The following NOL8 variants were observed in gnomAD, a reference collection of about 807,000 sequenced individuals.
NOL8 encodes the protein nucleolar protein 8.
Under a neutral mutation model 116.1 loss-of-function variants are expected in NOL8, and 93 were observed. The observed-to-expected ratio is 0.80, with a 90% CI of 0.68 to 0.95. The LOEUF is 0.95. Ranked by LOEUF, NOL8 falls within the 40% of genes least tolerant of loss-of-function variation. The pLI, the probability that NOL8 is intolerant of heterozygous loss-of-function variation, is 0.00. For missense variants in NOL8, 1,291 were observed against 1,382.8 expected (o/e 0.93, Z 1.05); for synonymous variants, 419 against 469.0 (o/e 0.89, Z 1.38).
intron 7 of NOL8, among the ~76,000 whole-genome samples, chr9:92,313,090 C>T (rs12340490): frequency 3.0e-4 from 45 of 152,032 alleles, no homozygotes; most frequent in Non-Finnish European, 5.7e-4. Flanking sequence ...TTTTCCTTAT[C>T]TAGTGAATGC....
chr9:92,315,675 T>C lies in NOL8; in HGVS notation c.950A>G (p.Asn317Ser). 6.2e-7 allele frequency: 1 copy of C among 1,612,374 alleles called. No individual in the cohort carries two copies. ...ELRMMIAKEE[N>S]LQRTTQPSIN... is the part of the protein sequence containing the mutation. Reference sequence around the variant, plus strand: ...TGAGGGTTGTGTAGTTCTCTGTAAGTTTTCCTCTTTCGCAATCATCATTCT... The same window carrying C: ...TGAGGGTTGTGTAGTTCTCTGTAAGCTTTCCTCTTTCGCAATCATCATTCT... Residue 317 changes from asparagine to serine, a missense_variant, in exon 7 of 17, where the codon AAC (asparagine) becomes AGC (serine). Transcript: ENST00000442668.
At chr9:92,318,540 G>A (rs1839633373) in intron 6 of NOL8, 78 bp downstream of exon 6, 1 of 1,004,870 alleles carries the variant, frequency 1.0e-6, no homozygotes, top group Non-Finnish European at 1.5e-6. Flanking sequence ...TCACTGATAA[G>A]AGACAGTGAA....
chr9:92,324,981 GT>G (rs765239003), intron 1 of NOL8: 1 of 152,140 alleles, frequency 6.6e-6, no homozygotes, highest in Non-Finnish European at 1.5e-5. Flanking sequence ...TACTATGAAG[GT>G]TGCTGTATCA....
rs1028664877 is a variant in NOL8 at position 92,300,624 on chromosome 9, A to C, written c.3176-608T>G. On this transcript the variant is annotated intron_variant, in intron 13 of 16. Coordinates refer to ENST00000442668, the MANE Select transcript of NOL8 (RefSeq NM_017948.6). Reference sequence around the variant, plus strand: ...TCTCAAAGTTAGAAAAACTATCGTTACTATTTACATCATGCCAACTCTACT... The same window carrying C: ...TCTCAAAGTTAGAAAAACTATCGTTCCTATTTACATCATGCCAACTCTACT... 5.0e-6 allele frequency: 5 copies of C among 999,976 alleles called. No individual in the cohort carries two copies. The African/African-American group carries it at 8.7e-5, about 17-fold the overall frequency. 61.9% of individuals were successfully genotyped at this position (999,976 alleles called of 1,614,324 possible).
chr9:92,306,263 G>T (rs1838249807), intron 11 of NOL8, among the ~76,000 whole-genome samples: 1 of 152,144 alleles, frequency 6.6e-6, no homozygotes, highest in Non-Finnish European at 1.5e-5. Flanking sequence ...CAAAGTGCTA[G>T]GATCACAGGT....
At chr9:92,313,653 T>A (rs1442604482) in intron 7 of NOL8, among the ~76,000 whole-genome samples, 1 of 152,178 alleles carries the variant, frequency 6.6e-6, no homozygotes, top group African/African-American at 2.4e-5. Context: ...GTATAAACGG[T>A]TCCTTTTTCC....
intron 4 of NOL8, among the ~76,000 whole-genome samples, chr9:92,321,288 A>G (rs906455895): frequency 1.3e-5 from 2 of 152,226 alleles, no homozygotes; most frequent in African/African-American, 4.8e-5. Context: ...ATCAGTGGGA[A>G]GGGACCACTA....
At chr9:92,304,149 GCA>G (rs1049449281) in intron 12 of NOL8, among the ~76,000 whole-genome samples, 3 of 152,300 alleles carry the variant, frequency 2.0e-5, no homozygotes, top group African/African-American at 7.2e-5. Flanking sequence ...ACCTGTGCCA[GCA>G]CTTATGAAAA....
intron 4 of NOL8, chr9:92,320,237 GGTCT>G: frequency 2.2e-6 from 1 of 454,808 alleles, no homozygotes; most frequent in South Asian, 1.6e-5. Flanking sequence ...CTTTGCCTCT[GGTCT>G]GTCTCCTTTA....
intron 13 of NOL8, 53 bp from the exon 14 acceptor site, chr9:92,300,069 A>G (rs1342298736): frequency 6.3e-7 from 1 of 1,576,104 alleles, no homozygotes; most frequent in South Asian, 1.2e-5. Context: ...ACAGCCAAGT[A>G]TTTCTGAACA....
intron 6 of NOL8, 150 bp from the exon 7 acceptor site, chr9:92,316,288 C>A: frequency 1.3e-6 from 1 of 797,622 alleles, no homozygotes; most frequent in Non-Finnish European, 1.9e-6. Flanking sequence ...ACTAGGTTAC[C>A]TTTCAGGGTC....
At chr9:92,300,311 A>G in intron 13 of NOL8, 1 of 1,000,974 alleles carries the variant, frequency 1.0e-6, no homozygotes, top group Non-Finnish European at 1.2e-6. Flanking sequence ...AATTTTTAAA[A>G]ATGACACCTA....
intron 10 of NOL8, chr9:92,308,769 G>A (rs1414562119): frequency 6.6e-6 from 1 of 152,226 alleles, no homozygotes; most frequent in Non-Finnish European, 1.5e-5. Flanking sequence ...CTCTAGGTTA[G>A]CTGAAGAGGA....
chr9:92,319,157 C>A, intron 5 of NOL8, 64 bp downstream of exon 5: 1 of 1,455,424 alleles, frequency 6.9e-7, no homozygotes, highest in Non-Finnish European at 9.1e-7. Flanking sequence ...CACCCACAAT[C>A]ACGTGATCTC....
intron 14 of NOL8, among the ~76,000 whole-genome samples, 182 bp from the exon 15 acceptor site, chr9:92,299,136 A>G (rs1226909513): frequency 6.6e-6 from 1 of 152,078 alleles, no homozygotes; most frequent in African/African-American, 2.4e-5. Context: ...TATTTTGTGC[A>G]TTTTGCCCTG....
chr9:92,299,990 G>GA lies in NOL8; in HGVS notation c.3201_3202insT (p.Pro1068SerfsTer24), dbSNP rs1374930811. ...TCTTCCTGCCAGACAATCTTTCCAG[G>GA]TTTCACTGTTTCAACTCTGTAGGTC... On this transcript the variant is annotated frameshift_variant, in exon 14 of 17. Coordinates refer to ENST00000442668, the MANE Select transcript of NOL8 (RefSeq NM_017948.6). LOFTEE classifies it high-confidence loss of function. 6.2e-7 allele frequency: 1 copy of GA among 1,613,350 alleles called. No individual in the cohort carries two copies.
chr9:92,310,475 T>C, intron 9 of NOL8, 78 bp downstream of exon 9: 1 of 1,482,808 alleles, frequency 6.7e-7, no homozygotes, highest in Non-Finnish European at 9.1e-7. Flanking sequence ...AAGGTCTGCC[T>C]GCATTTACCC....
intron 12 of NOL8, among the ~76,000 whole-genome samples, chr9:92,302,843 T>A (rs1232777817): frequency 6.6e-6 from 1 of 152,094 alleles, no homozygotes; most frequent in East Asian, 1.9e-4. Flanking sequence ...GAAAAAACTG[T>A]TAGTAGAAAC....
In NOL8 at chr9:92,315,467, C is replaced by T. The variant is rs144462188; in HGVS notation, c.1158G>A (p.Ala386=). Residue 386 remains alanine (A), a synonymous_variant, in exon 7 of 17, where the codon GCG becomes GCA. Coordinates refer to ENST00000442668, the MANE Select transcript of NOL8 (RefSeq NM_017948.6). The stretch of plus-strand genomic sequence containing the variant: ...TGACCTTAGCAACATTTTTTTTCAT[C>T]GCAATAATTTCATCTGTATCTCCTG... ...YDSGDTDEII[A]MKKNVAKVKN... is the part of the protein sequence containing the mutation. The T allele has an allele frequency of 2.3e-5, 37 of 1,599,736 alleles. No individual in the cohort carries two copies. Among genetic ancestry groups the T allele is most frequent in the South Asian group, 1.6e-4 (14 of 89,142 alleles).
Sources: allele counts gnomAD v4.1 joint callset (sites outside exome capture counted in the v4.1 genomes callset), GRCh38; gene constraint gnomAD v4.1.1; transcripts MANE v1.5; gene names NCBI Gene and HGNC (gene_info 2026-07-23, HGNC 2026-07-21).